Variants in FIGN observed in about 807,000 individuals in gnomAD.
The protein encoded by FIGN is fidgetin, microtubule severing factor.
A neutral mutation model predicts 51.3 loss-of-function variants in FIGN; 11 were observed. The observed-to-expected ratio is 0.21, with a 90% CI of 0.13 to 0.35. The LOEUF is 0.35. Among genes scored for constraint, FIGN ranks in the 10% least tolerant of loss-of-function variants. FIGN has a pLI of 1.00. For missense variants in FIGN, 857 were observed against 943.6 expected (o/e 0.91, Z 1.20); for synonymous variants, 407 against 363.2 (o/e 1.12, Z -1.37).
At chr2:163,724,616 C>A (rs1198584420) in intron 2 of FIGN, among the ~76,000 whole-genome samples, 1 of 151,974 alleles carries the variant, frequency 6.6e-6, no homozygotes, top group Non-Finnish European at 1.5e-5. Flanking sequence ...TTTTCTAAAA[C>A]CAATTCAAAG....
chr2:163,728,397 AACACAC>A (rs60526284), intron 2 of FIGN, among the ~76,000 whole-genome samples: 3,393 of 141,498 alleles, frequency 0.024, 77 homozygotes, highest in African/African-American at 0.06. Flanking sequence ...CAAACCATTA[AACACAC>A]ACACACACAC....
rs73019742 is a variant in FIGN at position 163,728,520 on chromosome 2, G to A, written c.25+6383C>T. 4.4e-3 allele frequency among the ~76,000 whole-genome samples: 662 copies of A among 151,784 alleles called. 2 individuals are homozygous for A. Among genetic ancestry groups the A allele is most frequent in the African/African-American group, 0.015 (626 of 41,356 alleles). On this transcript the variant is annotated intron_variant, in intron 2 of 2. Coordinates refer to ENST00000333129, the MANE Select transcript of FIGN (RefSeq NM_018086.4). ...AGACACAGGGCAAGATGAGACAAAA[G>A]CAAATATTTCAATCCCCAGTTCAGA...
rs575802711 is a variant in FIGN at position 163,605,222 on chromosome 2, A to T, written c.*4330T>A. 2 of 151,816 alleles carry T rather than the reference A, an allele frequency of 1.3e-5. No homozygotes were observed. The highest frequency in any genetic ancestry group is 1.3e-4 in the Admixed American group (2 of 15,192). The allele number at this position is 151,816 out of a possible 1,614,324, so 9.4% of individuals were successfully genotyped here. On this transcript the variant is annotated 3_prime_UTR_variant, in exon 3 of 3. Transcript: ENST00000333129. Reference sequence around the variant, plus strand: ...TTTAAAAACAGGGGAAAGAGGAGAGACTTGTTCATTAAAGATGCAGTATCC... The same window carrying T: ...TTTAAAAACAGGGGAAAGAGGAGAGTCTTGTTCATTAAAGATGCAGTATCC...
At chr2:163,724,825 A>G (rs769749056) in intron 2 of FIGN, among the ~76,000 whole-genome samples, 5 of 152,162 alleles carry the variant, frequency 3.3e-5, no homozygotes, top group Non-Finnish European at 5.9e-5. Context: ...ATATGTTTTC[A>G]CACTTTTTAA....
chr2:163,669,673 TCTACGTCTTCAGTTG>T lies in FIGN; in HGVS notation c.26-57882_26-57868del, dbSNP rs1262064678. On this transcript the variant is annotated intron_variant, in intron 2 of 2. Transcript: ENST00000333129. ...AATAAAACAATTTCTTTTTACAAAT[TCTACGTCTTCAGTTG>T]CTCTTGTGGCTTTCTTCCAAAGAGA... 2.6e-5 allele frequency among the ~76,000 whole-genome samples: 4 copies of T among 152,336 alleles called. No individual in the cohort carries two copies. The East Asian group carries it at 7.7e-4, about 29-fold the overall frequency.
intron 2 of FIGN, among the ~76,000 whole-genome samples, chr2:163,625,004 A>G (rs1683033556): frequency 6.6e-6 from 1 of 151,914 alleles, no homozygotes. Context: ...TTCTATTTTA[A>G]ATATACTTGG....
intron 2 of FIGN, among the ~76,000 whole-genome samples, chr2:163,623,898 C>A (rs1370138342): frequency 6.6e-6 from 1 of 152,008 alleles, no homozygotes; most frequent in Non-Finnish European, 1.5e-5. Flanking sequence ...AAAATCTATT[C>A]AAAAATGTAG....
chr2:163,667,191 T>C (rs1274300241), intron 2 of FIGN, among the ~76,000 whole-genome samples: 1 of 152,028 alleles, frequency 6.6e-6, no homozygotes, highest in Non-Finnish European at 1.5e-5. Context: ...ACTGATTTCA[T>C]CTCTGACTTC....
intron 2 of FIGN, among the ~76,000 whole-genome samples, chr2:163,726,502 C>T (rs1684839985): frequency 1.3e-5 from 2 of 152,018 alleles, no homozygotes; most frequent in Non-Finnish European, 2.9e-5. Flanking sequence ...AAAAATGACT[C>T]ATAAAATATC....
intron 2 of FIGN, among the ~76,000 whole-genome samples, chr2:163,734,115 C>CT (rs111966025): frequency 0.051 from 7,466 of 145,572 alleles, 483 homozygotes; most frequent in African/African-American, 0.14. Flanking sequence ...ATTTAACTGA[C>CT]TTTTTTTTTT....
intron 2 of FIGN, among the ~76,000 whole-genome samples, chr2:163,633,258 T>C (rs1022338963): frequency 2.0e-5 from 3 of 152,224 alleles, no homozygotes; most frequent in African/African-American, 7.2e-5. Context: ...TTAAGTTCTC[T>C]ATAGTTAGAT....
chr2:163,649,560 C>G (rs1683438193), intron 2 of FIGN, among the ~76,000 whole-genome samples: 1 of 152,148 alleles, frequency 6.6e-6, no homozygotes. Flanking sequence ...TCTAGGCACC[C>G]AGCATTTGAG....
intron 2 of FIGN, among the ~76,000 whole-genome samples, chr2:163,681,479 G>A (rs1199476224): frequency 6.6e-6 from 1 of 152,116 alleles, no homozygotes; most frequent in Non-Finnish European, 1.5e-5. Context: ...GAGAGGCTGA[G>A]GCAGGAGGAT....
chr2:163,635,086 T>A (rs1365584745), intron 2 of FIGN, among the ~76,000 whole-genome samples: 1 of 152,250 alleles, frequency 6.6e-6, no homozygotes, highest in Non-Finnish European at 1.5e-5. Flanking sequence ...TGATATTTGC[T>A]ATTAATACCT....
intron 2 of FIGN, among the ~76,000 whole-genome samples, chr2:163,699,593 G>A (rs551233955): frequency 4.6e-5 from 7 of 152,148 alleles, no homozygotes; most frequent in East Asian, 1.9e-4. Flanking sequence ...AAATAATGAC[G>A]CAAAAATTCA....
At chr2:163,706,870 C>T (rs1369380696) in intron 2 of FIGN, among the ~76,000 whole-genome samples, 1 of 151,866 alleles carries the variant, frequency 6.6e-6, no homozygotes, top group East Asian at 1.9e-4. Flanking sequence ...TCATTTAAAA[C>T]AAACAAAAAA....
At chr2:163,714,436 C>G (rs1367427499) in intron 2 of FIGN, among the ~76,000 whole-genome samples, 5 of 152,144 alleles carry the variant, frequency 3.3e-5, no homozygotes, top group African/African-American at 7.2e-5. Flanking sequence ...TCACCTCCCC[C>G]CAAAAAAGAG....
intron 2 of FIGN, among the ~76,000 whole-genome samples, chr2:163,723,887 G>C (rs539322540): frequency 6.6e-6 from 1 of 152,246 alleles, no homozygotes; most frequent in South Asian, 2.1e-4. Flanking sequence ...CATCTCTTCT[G>C]ATGGGCTTAA....
intron 2 of FIGN, among the ~76,000 whole-genome samples, chr2:163,621,903 GAC>G (rs1424392104): frequency 6.6e-6 from 1 of 152,076 alleles, no homozygotes; most frequent in African/African-American, 2.4e-5. Context: ...CAGGAGGAGA[GAC>G]TGCAAGTAAA....
Sources: allele counts gnomAD v4.1 joint callset (sites outside exome capture counted in the v4.1 genomes callset), GRCh38; gene constraint gnomAD v4.1.1; transcripts MANE v1.5; gene names NCBI Gene and HGNC (gene_info 2026-07-23, HGNC 2026-07-21).